Variants in POLD1 observed in about 807,000 individuals in gnomAD.
The protein encoded by POLD1 is DNA polymerase delta 1, catalytic subunit.
Under a neutral mutation model 129.7 loss-of-function variants are expected in POLD1, and 79 were observed. The ratio of observed to expected loss-of-function variants is 0.61; its 90% CI spans 0.51 to 0.73. The LOEUF (loss-of-function observed/expected upper bound fraction) is 0.73, where lower values mean the gene tolerates loss of function less well. Ranked by LOEUF, POLD1 falls within the 30% of genes least tolerant of loss-of-function variation. POLD1 has a pLI of 0.00. For missense variants in POLD1, 1,338 were observed against 1,595.8 expected, an observed-to-expected ratio of 0.84 and a Z score of 2.75; for synonymous variants, 714 against 683.3, an observed-to-expected ratio of 1.04 and a Z score of -0.70.
Position 50,402,942 on chromosome 19 carries a change from G to A in POLD1, c.971-111G>A, listed in dbSNP as rs1394721164. The A allele has an allele frequency of 5.6e-6, 8 of 1,416,876 alleles. No individual in the cohort carries two copies. In the African/African-American group the frequency reaches 5.7e-5, roughly 10 times the overall value. The allele number at this position is 1,416,876 out of a possible 1,614,324, so 87.8% of individuals were successfully genotyped here. ...CAGAGCAGGAGCCAGGGTGAGCCAC[G>A]TAGGGCCGGCAGGCAGCGGGGACAG... On this transcript the variant is annotated intron_variant, in intron 8 of 26. Transcript: ENST00000440232.
chr19:50,403,009 A>C (rs375929326), intron 8 of POLD1, 44 bp from the exon 9 acceptor site: 133 of 1,547,148 alleles, frequency 8.6e-5, no homozygotes, highest in Non-Finnish European at 1.0e-4. Flanking sequence ...CTGTGTTGGG[A>C]GTGAGGGGCA....
intron 18 of POLD1, 106 bp downstream of exon 18, chr19:50,413,627 ACT>A: frequency 1.3e-6 from 2 of 1,529,484 alleles, no homozygotes; most frequent in Admixed American, 3.5e-5. Context: ...CACCCTGCCC[ACT>A]CTCCTGTTGC....
At position 50,400,211 on chromosome 19, in the gene POLD1, A is replaced by ATTTTT. The variant is rs549820323; in HGVS notation, c.316+749_316+753dup. Among the ~76,000 whole-genome samples, 125 of 67,800 alleles carry ATTTTT rather than the reference A, an allele frequency of 1.8e-3. 5 individuals carry two copies. Among genetic ancestry groups the ATTTTT allele is most frequent in the African/African-American group, 6.4e-3 (94 of 14,632 alleles). 44.5% of individuals were successfully genotyped at this position (67,800 alleles called of 152,430 possible). A position where few individuals can be genotyped will look rare whatever the true frequency, so the allele number is the denominator to read the frequency against. Reference sequence around the variant, plus strand: ...CAGGCTGGAGTGCACCTGGCCAATAATTTTTTTTTTTTTTTTTTTTTTTTT... The same window carrying ATTTTT: ...CAGGCTGGAGTGCACCTGGCCAATAATTTTTTTTTTTTTTTTTTTTTTTTTTTTTT... On this transcript the variant is annotated intron_variant, in intron 3 of 26. Transcript: ENST00000440232.
intron 17 of POLD1, among the ~76,000 whole-genome samples, chr19:50,412,743 T>G (rs1428763694): frequency 2.0e-5 from 3 of 151,738 alleles, no homozygotes; most frequent in Non-Finnish European, 2.9e-5. Context: ...GGTGGTGTTG[T>G]TGTTTAAGTA....
At position 50,414,886 on chromosome 19, in the gene POLD1, C is replaced by T. The variant is rs1436767848; in HGVS notation, c.2460C>T (p.Ala820=). ...TGCTCTTCTCCTCCCGGCCCGACGC[C>T]CACGACCGCATGGACTGCAAGGGCC... ...AGLLFSSRPD[A]HDRMDCKGLE... is the part of the protein sequence containing the mutation. The change falls in exon 20 of 27, where the codon GCC becomes GCT. Residue 820 remains alanine (A), a synonymous_variant. Transcript: ENST00000440232. 1 of 1,609,150 alleles carries T rather than the reference C, an allele frequency of 6.2e-7. No individual in the cohort carries two copies. The highest frequency in any genetic ancestry group is 1.1e-5 in the South Asian group (1 of 90,624).
rs768001094 is a variant in POLD1 at position 50,409,268 on chromosome 19, G to A, written c.2006+33G>A. 6.8e-7 allele frequency: 1 copy of A among 1,464,806 alleles called. No individual in the cohort carries two copies. The highest frequency in any genetic ancestry group is 1.1e-5 in the South Asian group (1 of 87,640). The allele number at this position is 1,464,806 out of a possible 1,614,324, so 90.7% of individuals were successfully genotyped here. A position where few individuals can be genotyped will look rare whatever the true frequency, so the allele number is the denominator to read the frequency against. On this transcript the variant is annotated intron_variant, in intron 16 of 26. Coordinates refer to ENST00000440232, the MANE Select transcript of POLD1 (RefSeq NM_002691.4). The surrounding 1 kb of genome is among the most constrained non-coding windows in gnomAD (Gnocchi z 5.8). ...CTGGAGATCGCCTGCTTGGAGCTCA[G>A]ACCTGTTGGGGCCTCTGGGCAATCC...
chr19:50,399,301 A>G (rs2038492492), intron 2 of POLD1, 70 bp from the exon 3 acceptor site: 1 of 1,351,460 alleles, frequency 7.4e-7, no homozygotes, highest in East Asian at 2.3e-5. Flanking sequence ...CTCCTTTCAG[A>G]ACCACATGCC....
rs1397545786 is a variant in POLD1, at chr19:50,403,576, C to G, written c.1221C>G (p.Ile407Met). ...NIQNFDLPYL[I>M]SRAQTLKVQT... ...AGAACTTCGACCTTCCGTACCTCAT[C>G]TCTCGGGCCCAGACCCTCAAGGTGA... The change falls in exon 10 of 27, where the codon ATC becomes ATG. Residue 407 changes from isoleucine (I) to methionine (M), a missense_variant. By Grantham distance (10) the Ile-to-Met change is conservative (BLOSUM62 1). This residue lies in a region of POLD1 where 720 missense variants were observed against 1,002.6 expected (regional missense o/e 0.72). Coordinates refer to ENST00000440232, the MANE Select transcript of POLD1 (RefSeq NM_002691.4). 6.2e-7 allele frequency: 1 copy of G among 1,612,818 alleles called. No homozygotes were observed. Among genetic ancestry groups the G allele is most frequent in the Non-Finnish European group, 8.5e-7 (1 of 1,178,754 alleles).
At chr19:50,389,254 T>C (rs548916924) in intron 1 of POLD1, among the ~76,000 whole-genome samples, 87 of 151,930 alleles carry the variant, frequency 5.7e-4, no homozygotes, top group Non-Finnish European at 1.0e-3. Context: ...CTCGAGTAGC[T>C]GGGACTAAAG....
chr19:50,395,876 C>CTTTTTTT lies in POLD1; in HGVS notation c.-1-2956_-1-2950dup, dbSNP rs774272686. Among the ~76,000 whole-genome samples the CTTTTTTT allele has an allele frequency of 5.8e-4, 43 of 73,652 alleles. 3 individuals carry two copies. Among genetic ancestry groups the CTTTTTTT allele is most frequent in the African/African-American group, 1.7e-3 (31 of 17,738 alleles). The allele number at this position is 73,652 out of a possible 152,430, so 48.3% of individuals were successfully genotyped here. ...TGTCTAATCAACCAGAGGATATATA[C>CTTTTTTT]TTTTTTTTTTTTTTTTTTTTTTTTT... On this transcript the variant is annotated intron_variant, in intron 1 of 26. Coordinates refer to ENST00000440232, the MANE Select transcript of POLD1 (RefSeq NM_002691.4).
At chr19:50,402,955 G>C in intron 8 of POLD1, 98 bp from the exon 9 acceptor site, 1 of 1,459,012 alleles carries the variant, frequency 6.9e-7, no homozygotes, top group South Asian at 1.2e-5. Flanking sequence ...GGGCCGGCAG[G>C]CAGCGGGGAC....
At chr19:50,400,518 G>A (rs34552804) in intron 3 of POLD1, among the ~76,000 whole-genome samples, 2,675 of 125,844 alleles carry the variant, frequency 0.021, 43 homozygotes, top group African/African-American at 0.033. Context: ...ACTGTGCCCC[G>A]CCTATTTTTT....
Position 50,391,481 on chromosome 19 carries a change from C to G in POLD1, c.-2+7091C>G, listed in dbSNP as rs543222050. 1.7e-3 allele frequency among the ~76,000 whole-genome samples: 260 copies of G among 152,296 alleles called. 1 individual carries two copies. The highest frequency in any genetic ancestry group is 5.7e-3 in the African/African-American group (238 of 41,566). The stretch of plus-strand genomic sequence containing the variant: ...GAGGCCCAGGCGGGCAGATCACTCG[C>G]GGTCAGGAGCTGGAGACCAGCCCGG... On this transcript the variant is annotated intron_variant, in intron 1 of 26. Transcript: ENST00000440232.
Position 50,409,283 on chromosome 19 carries a change from C to T in POLD1, c.2006+48C>T, listed in dbSNP as rs1434832877. 7.2e-7 allele frequency: 1 copy of T among 1,388,556 alleles called. No homozygotes were observed. Among genetic ancestry groups the T allele is most frequent in the South Asian group, 1.2e-5 (1 of 85,548 alleles). 86.0% of individuals were successfully genotyped at this position (1,388,556 alleles called of 1,614,324 possible). ...TTGGAGCTCAGACCTGTTGGGGCCT[C>T]TGGGCAATCCCTGTCCCTCACTGGG... On this transcript the variant is annotated intron_variant, in intron 16 of 26. Transcript: ENST00000440232. This position sits in a 1 kb window ranked among gnomAD's most constrained non-coding sequence, Gnocchi z 5.8.
rs2122510245 is a variant in POLD1 at position 50,417,289 on chromosome 19, C to T, written c.3218+20C>T. On this transcript the variant is annotated intron_variant, in intron 26 of 26. Transcript: ENST00000440232. ...CACCAGGTGTGTGCCATGTCCCGAC[C>T]CTGGGCTGCCCCGCCCCTTCCCAGC... 1.3e-6 allele frequency: 2 copies of T among 1,526,226 alleles called. No individual in the cohort carries two copies. Among genetic ancestry groups the T allele is most frequent in the Non-Finnish European group, 1.8e-6 (2 of 1,127,852 alleles). The allele number at this position is 1,526,226 out of a possible 1,614,324, so 94.5% of individuals were successfully genotyped here. A position where few individuals can be genotyped will look rare whatever the true frequency, so the allele number is the denominator to read the frequency against.
chr19:50,391,353 G>A (rs2122122067), intron 1 of POLD1, among the ~76,000 whole-genome samples: 1 of 152,278 alleles, frequency 6.6e-6, no homozygotes, highest in East Asian at 1.9e-4. Flanking sequence ...AGGCGGCTGG[G>A]AGGTGGAGGT....
Position 50,403,114 on chromosome 19 carries a change from G to C in POLD1, c.1032G>C (p.Trp344Cys), listed in dbSNP as rs538046428. The C allele has an allele frequency of 2.6e-6, 4 of 1,564,190 alleles. No homozygotes were observed. Among genetic ancestry groups the C allele is most frequent in the East Asian group, 2.4e-5 (1 of 41,976 alleles). Residue 344 changes from tryptophan to cysteine, a missense_variant, in exon 9 of 27, where the codon TGG becomes TGC. Coordinates refer to ENST00000440232, the MANE Select transcript of POLD1 (RefSeq NM_002691.4). ...AGATCTGCTCGCTGGGCCTGCGCTG[G>C]GGGGAGCCGGAGCCCTTCCTACGCC... is the stretch of plus-strand genomic sequence containing the variant. The part of the protein sequence containing the change: ...VIQICSLGLR[W>C]GEPEPFLRLA...
chr19:50,386,057 T>C (rs2037960845), intron 1 of POLD1, among the ~76,000 whole-genome samples: 1 of 152,052 alleles, frequency 6.6e-6, no homozygotes, highest in Non-Finnish European at 1.5e-5. Context: ...TGATAGTCTT[T>C]GGGAGCCAAG....
At chr19:50,413,364 C>T (rs941852359) in intron 17 of POLD1, 62 bp from the exon 18 acceptor site, 92 of 1,387,262 alleles carry the variant, frequency 6.6e-5, no homozygotes, top group Non-Finnish European at 8.5e-5. Flanking sequence ...CCTCCCCCGC[C>T]GGCCCACGTT....
Sources: allele counts gnomAD v4.1 joint callset (sites outside exome capture counted in the v4.1 genomes callset), GRCh38; gene constraint gnomAD v4.1.1; regional missense constraint gnomAD v4.1.1; non-coding constraint Gnocchi (gnomAD v3.1); transcripts MANE v1.5; gene names NCBI Gene and HGNC (gene_info 2026-07-23, HGNC 2026-07-21).